ARHGAP32: variants seen among roughly 807,000 people sequenced by gnomAD.
The protein encoded by ARHGAP32 is rho GTPase-activating protein 32.
In ARHGAP32, 51 loss-of-function variants were observed where a neutral mutation model predicts 186.5. The ratio of observed to expected loss-of-function variants is 0.27; its 90% CI spans 0.22 to 0.35. The LOEUF (loss-of-function observed/expected upper bound fraction) is 0.35. ARHGAP32 is among the 10% of genes least tolerant of loss of function. The pLI is 1.00. For synonymous variants in ARHGAP32, 950 were observed against 964.3 expected (o/e 0.99, Z 0.27); for missense variants, 2,186 against 2,623.5 (o/e 0.83, Z 3.64).
At chr11:129,087,744 T>C (rs1941452530) in intron 6 of ARHGAP32, among the ~76,000 whole-genome samples, 1 of 152,206 alleles carries the variant, frequency 6.6e-6, no homozygotes, top group Non-Finnish European at 1.5e-5. Context: ...AGTTGGGCGA[T>C]AATGATGTAA....
intron 5 of ARHGAP32, among the ~76,000 whole-genome samples, chr11:129,102,140 C>A (rs1182552597): frequency 2.0e-5 from 3 of 152,100 alleles, no homozygotes; most frequent in Non-Finnish European, 4.4e-5. Context: ...CCTTTTCAGA[C>A]AAACAAATGC....
At chr11:129,027,354 CA>C (rs1370346965) in intron 11 of ARHGAP32, among the ~76,000 whole-genome samples, 1 of 152,138 alleles carries the variant, frequency 6.6e-6, no homozygotes, top group Non-Finnish European at 1.5e-5. Flanking sequence ...AAGAACCAAA[CA>C]AAAACTGCTC....
intron 11 of ARHGAP32, among the ~76,000 whole-genome samples, chr11:129,028,868 T>C (rs1938976225): frequency 6.6e-6 from 1 of 151,940 alleles, no homozygotes; most frequent in East Asian, 1.9e-4. Context: ...TTTCAGGGTG[T>C]AGGAACAGCA....
At chr11:129,259,474 C>A (rs1005346679) in intron 1 of ARHGAP32, among the ~76,000 whole-genome samples, 25 of 151,308 alleles carry the variant, frequency 1.7e-4, no homozygotes, top group Admixed American at 5.9e-4. Flanking sequence ...CACACACACA[C>A]AAAAAAATAC....
chr11:128,981,434 C>T lies in ARHGAP32; in HGVS notation c.1762G>A (p.Ala588Thr). The T allele has an allele frequency of 6.2e-7, 1 of 1,609,106 alleles. No individual in the cohort carries two copies. Among genetic ancestry groups the T allele is most frequent in the Non-Finnish European group, 8.5e-7 (1 of 1,176,770 alleles). ...DVLFSGRISMAMQEGAASLSR... is the reference protein window; with the variant it reads ...DVLFSGRISMTMQEGAASLSR... ...GCCGTACCTGCCCCCTCTTGCATGG[C>T]CATGCTGATTCTGCCGCTGAACAGC... The change falls in exon 17 of 23, where the codon GCC becomes ACC. Residue 588 changes from alanine to threonine, a missense_variant. By Grantham distance (58) the Ala-to-Thr change is moderately conservative. Coordinates refer to ENST00000682385, the MANE Select transcript of ARHGAP32 (RefSeq NM_001378024.1).
chr11:129,202,640 T>G (rs986418651), intron 1 of ARHGAP32, among the ~76,000 whole-genome samples: 1 of 152,172 alleles, frequency 6.6e-6, no homozygotes, highest in Non-Finnish European at 1.5e-5. Context: ...TTAAGTCAAT[T>G]TCCCTTCTAA....
At chr11:129,097,545 G>T (rs763471977) in intron 5 of ARHGAP32, among the ~76,000 whole-genome samples, 1 of 152,000 alleles carries the variant, frequency 6.6e-6, no homozygotes, top group Non-Finnish European at 1.5e-5. Context: ...TCACTAGAGG[G>T]ATTCAAAGGC....
chr11:129,138,937 T>C (rs909454428), intron 2 of ARHGAP32, among the ~76,000 whole-genome samples: 2 of 152,186 alleles, frequency 1.3e-5, no homozygotes, highest in Non-Finnish European at 2.9e-5. Context: ...AATCACAGAA[T>C]TTGAACTGGA....
intron 15 of ARHGAP32, among the ~76,000 whole-genome samples, chr11:128,984,075 CAAAATTGGAA>C (rs369395329): frequency 1.2e-4 from 18 of 152,088 alleles, no homozygotes; most frequent in African/African-American, 4.3e-4. Flanking sequence ...TAGTAATATT[CAAAATTGGAA>C]AAGGAAGGCC....
intron 1 of ARHGAP32, among the ~76,000 whole-genome samples, chr11:129,243,018 A>G (rs1945040242): frequency 6.6e-6 from 1 of 152,072 alleles, no homozygotes; most frequent in Admixed American, 6.6e-5. Context: ...ACAAATCCAT[A>G]TTCTTCAACT....
At chr11:129,227,482 A>AG (rs1286852548) in intron 1 of ARHGAP32, among the ~76,000 whole-genome samples, 6 of 151,968 alleles carry the variant, frequency 3.9e-5, no homozygotes, top group African/African-American at 1.4e-4. Context: ...TTTAAAAAAA[A>AG]AAAAACTGAA....
chr11:128,969,384 T>C lies in ARHGAP32; in HGVS notation c.5829A>G (p.Ala1943=). ...SYHNSGVKYA[A]SGQESLRLNH... The stretch of plus-strand genomic sequence containing the variant: ...TCAGTCTTAAAGATTCTTGCCCGGA[T>C]GCAGCATATTTTACTCCAGAGTTGT... Residue 1943 remains alanine (A), a synonymous_variant, in exon 23 of 23, where the codon GCA becomes GCG. Coordinates refer to ENST00000682385, the MANE Select transcript of ARHGAP32 (RefSeq NM_001378024.1). The surrounding 1 kb of genome is among the most constrained non-coding windows in gnomAD (Gnocchi z 4.8). The C allele has an allele frequency of 6.2e-7, 1 of 1,614,246 alleles. No homozygotes were observed. Among genetic ancestry groups the C allele is most frequent in the Admixed American group, 1.7e-5 (1 of 60,032 alleles).
intron 11 of ARHGAP32, among the ~76,000 whole-genome samples, chr11:129,007,096 G>C (rs1937816767): frequency 1.3e-5 from 2 of 152,056 alleles, no homozygotes; most frequent in Admixed American, 1.3e-4. Context: ...GGCGAATGCT[G>C]CCAGGCCTGG....
At chr11:129,025,098 T>C (rs542739739) in intron 11 of ARHGAP32, among the ~76,000 whole-genome samples, 47 of 152,322 alleles carry the variant, frequency 3.1e-4, no homozygotes, top group African/African-American at 1.1e-3. Context: ...TTATAGCACT[T>C]ACTATGTGCC....
rs552890382 is a variant in ARHGAP32, at chr11:129,177,324, C to G, written c.117-12897G>C. Among the ~76,000 whole-genome samples, 29 of 152,046 alleles carry G rather than the reference C, an allele frequency of 1.9e-4. 1 individual carries two copies. The highest frequency in any genetic ancestry group is 6.0e-4 in the African/African-American group (25 of 41,480). On this transcript the variant is annotated intron_variant, in intron 1 of 22. Coordinates refer to ENST00000682385, the MANE Select transcript of ARHGAP32 (RefSeq NM_001378024.1). ...CTTACCAACCAAAAAGAGTCCAGGA[C>G]CAGATGGATTCACAGCCGAATTCTA...
chr11:129,247,799 G>A (rs1470196710), intron 1 of ARHGAP32, among the ~76,000 whole-genome samples: 1 of 152,066 alleles, frequency 6.6e-6, no homozygotes, highest in African/African-American at 2.4e-5. Flanking sequence ...AAATAACTTA[G>A]AATTCTCCAA....
chr11:129,266,944 A>T (rs1295611298), intron 1 of ARHGAP32, among the ~76,000 whole-genome samples: 1 of 152,112 alleles, frequency 6.6e-6, no homozygotes, highest in East Asian at 1.9e-4. Flanking sequence ...AGTATTTACA[A>T]CCCTAGGCCA....
chr11:129,122,314 T>C (rs1447799361), intron 5 of ARHGAP32, among the ~76,000 whole-genome samples: 1 of 151,976 alleles, frequency 6.6e-6, no homozygotes, highest in African/African-American at 2.4e-5. Context: ...CCAAAAGAGT[T>C]CATTCAACCT....
In ARHGAP32 at chr11:128,981,420, C is replaced by T. The variant is rs1565354448; in HGVS notation, c.1776G>A (p.Gly592=). The change falls in exon 17 of 23, where the codon GGG becomes GGA. Residue 592 remains glycine (G), a synonymous_variant. Transcript: ENST00000682385. ...SGRISMAMQE[G]AASLSRPKSL... is the part of the protein sequence containing the mutation. ...GAAGGGCCATCGGAGCCGTACCTGC[C>T]CCCTCTTGCATGGCCATGCTGATTC... is the stretch of plus-strand genomic sequence containing the variant. The T allele has an allele frequency of 3.1e-6, 5 of 1,600,068 alleles. No individual in the cohort carries two copies. The highest frequency in any genetic ancestry group is 2.2e-5 in the East Asian group (1 of 44,538).
Sources: gnomAD v4.1 joint callset for allele counts (sites outside exome capture counted in the v4.1 genomes callset) on GRCh38, gnomAD v4.1.1 for gene constraint, Gnocchi (gnomAD v3.1) non-coding constraint, MANE v1.5 for transcripts, NCBI Gene and HGNC (gene_info 2026-07-23, HGNC 2026-07-21) for gene names.